The following CLMP variants were observed in gnomAD, a reference collection of about 807,000 sequenced individuals.
CLMP encodes CXADR like cell adhesion molecule.
In CLMP, 27 loss-of-function variants were observed where a neutral mutation model predicts 45.2. The observed-to-expected ratio is 0.60, with a 90% CI of 0.44 to 0.82. The LOEUF (loss-of-function observed/expected upper bound fraction) is 0.82, where lower values mean the gene tolerates loss of function less well. Ranked by LOEUF, CLMP falls within the 40% of genes least tolerant of loss-of-function variation. The pLI is 0.00. For synonymous variants in CLMP, 167 were observed against 171.4 expected (o/e 0.97, Z 0.20); for missense variants, 403 against 448.4 (o/e 0.90, Z 0.91).
rs747477259 is a variant in CLMP at position 123,176,648 on chromosome 11, A to G, written c.28+18265T>C. ...GCTGGGGCTGTTGGAGGTGGGAGCT[A>G]TATCTGACCCCAGAAGCAGCCTTAC... On this transcript the variant is annotated intron_variant, in intron 1 of 6. Coordinates refer to ENST00000448775, the MANE Select transcript of CLMP (RefSeq NM_024769.5). Among the ~76,000 whole-genome samples, 148 of 152,278 alleles carry G rather than the reference A, an allele frequency of 9.7e-4. 1 individual carries two copies. The highest frequency in any genetic ancestry group is 2.0e-3 in the Non-Finnish European group (133 of 68,018).
chr11:123,150,488 G>A (rs375840106), intron 1 of CLMP, among the ~76,000 whole-genome samples: 2,280 of 45,836 alleles, frequency 0.05, 16 homozygotes, highest in East Asian at 0.12. Context: ...AGAAAGGAAG[G>A]AAGGAAGGAA....
chr11:123,075,956 TGAG>T (rs1865734104), intron 5 of CLMP, among the ~76,000 whole-genome samples: 1 of 152,066 alleles, frequency 6.6e-6, no homozygotes, highest in East Asian at 1.9e-4. Context: ...GCGGATCACT[TGAG>T]GTCAGGAGTT....
intron 1 of CLMP, among the ~76,000 whole-genome samples, chr11:123,188,139 G>T (rs976749520): frequency 2.0e-5 from 3 of 152,140 alleles, no homozygotes; most frequent in African/African-American, 7.2e-5. Flanking sequence ...AGGTAGAAAG[G>T]GTGCCTTTTG....
At position 123,145,464 on chromosome 11, in the gene CLMP, T is replaced by TGTTTG. The variant is rs879508103; in HGVS notation, c.29-47513_29-47512insCAAAC. ...CAGCTCTGCGGCTGTTTTTTTTTTTTTTTTTTTTTTTTTTTGAGACGGGAG... is the reference window on the plus strand; with the variant it reads ...CAGCTCTGCGGCTGTTTTTTTTTTTTGTTTGTTTTTTTTTTTTTTTGAGACGGGAG... On this transcript the variant is annotated intron_variant, in intron 1 of 6. Transcript: ENST00000448775. 2.0e-4 allele frequency among the ~76,000 whole-genome samples: 18 copies of TGTTTG among 89,046 alleles called. 1 individual carries two copies. The highest frequency in any genetic ancestry group is 9.0e-4 in the African/African-American group (17 of 18,970). 58.4% of individuals were successfully genotyped at this position (89,046 alleles called of 152,430 possible). A position where few individuals can be genotyped will look rare whatever the true frequency, so the allele number is the denominator to read the frequency against.
chr11:123,073,814 T>A, intron 6 of CLMP, 40 bp from the exon 7 acceptor site: 1 of 1,527,030 alleles, frequency 6.5e-7, no homozygotes, highest in South Asian at 1.3e-5. Flanking sequence ...CTGGCAGATC[T>A]GTGATTGCTT....
intron 3 of CLMP, 57 bp downstream of exon 3, chr11:123,084,455 C>T: frequency 1.4e-6 from 2 of 1,406,812 alleles, no homozygotes; most frequent in Non-Finnish European, 2.0e-6. Flanking sequence ...ATATGGCTAT[C>T]CCTCTTAGAT....
chr11:123,081,030 C>T (rs1865798073), intron 5 of CLMP, among the ~76,000 whole-genome samples: 1 of 151,912 alleles, frequency 6.6e-6, no homozygotes, highest in East Asian at 1.9e-4. Flanking sequence ...CCTGTAGTCC[C>T]AGCTACTCGC....
At chr11:123,108,185 G>T (rs1860587678) in intron 1 of CLMP, among the ~76,000 whole-genome samples, 1 of 152,078 alleles carries the variant, frequency 6.6e-6, no homozygotes, top group Admixed American at 6.6e-5. Flanking sequence ...CCCACACCCA[G>T]CCCAACCCCA....
rs201940583 is a variant in CLMP, at chr11:123,092,907, CTT to C, written c.186+4886_186+4887del. 3.7e-3 allele frequency among the ~76,000 whole-genome samples: 469 copies of C among 128,182 alleles called. 1 individual carries two copies. The highest frequency in any genetic ancestry group is 0.013 in the African/African-American group (419 of 32,254). The allele number at this position is 128,182 out of a possible 152,430, so 84.1% of individuals were successfully genotyped here. A position where few individuals can be genotyped will look rare whatever the true frequency, so the allele number is the denominator to read the frequency against. On this transcript the variant is annotated intron_variant, in intron 2 of 6. Coordinates refer to ENST00000448775, the MANE Select transcript of CLMP (RefSeq NM_024769.5). The stretch of plus-strand genomic sequence containing the variant: ...GCCACTGTGCCTGGCCTGACACACA[CTT>C]TTTTTTTTTTTTTTTTGAGATGTTG...
At chr11:123,151,793 ATAGCATGTTCATTTT>A (rs1292404118) in intron 1 of CLMP, among the ~76,000 whole-genome samples, 1 of 152,166 alleles carries the variant, frequency 6.6e-6, no homozygotes, top group Non-Finnish European at 1.5e-5. Flanking sequence ...TGCTTATTTC[ATAGCATGTTCATTTT>A]TAGCATGTTT....
At chr11:123,185,543 C>A (rs1303779892) in intron 1 of CLMP, among the ~76,000 whole-genome samples, 1 of 152,196 alleles carries the variant, frequency 6.6e-6, no homozygotes, top group Non-Finnish European at 1.5e-5. Flanking sequence ...GGAGAGGTGG[C>A]CTCGTTTCCG....
intron 2 of CLMP, among the ~76,000 whole-genome samples, chr11:123,088,729 G>A (rs1330269549): frequency 3.9e-5 from 6 of 152,126 alleles, no homozygotes; most frequent in South Asian, 2.1e-4. Context: ...GGGTTCAAGC[G>A]ATTCTCCTGT....
chr11:123,084,224 G>A (rs970472236), intron 3 of CLMP, among the ~76,000 whole-genome samples: 2 of 152,166 alleles, frequency 1.3e-5, no homozygotes, highest in African/African-American at 2.4e-5. Flanking sequence ...AAACAGAAAT[G>A]AATTTGAATC....
intron 1 of CLMP, among the ~76,000 whole-genome samples, chr11:123,115,009 C>A (rs928234356): frequency 6.6e-6 from 1 of 152,098 alleles, no homozygotes; most frequent in Non-Finnish European, 1.5e-5. Context: ...CCCCTTAAAG[C>A]TTTCACCTTC....
Position 123,073,696 on chromosome 11 carries a change from A to C in CLMP, c.900T>G (p.Gly300=), listed in dbSNP as rs766731584. ...SSSGSRSSRS[G]SSSTRSTANS... is the part of the protein sequence containing the mutation. ...TTGCTGTGGAGCGAGTGGAGGAAGA[A>C]CCAGAGCGTGAGCTCCGAGAGCCTG... The change falls in exon 7 of 7, where the codon GGT becomes GGG. Residue 300 remains glycine, a synonymous_variant. Coordinates refer to ENST00000448775, the MANE Select transcript of CLMP (RefSeq NM_024769.5). The C allele has an allele frequency of 6.2e-7, 1 of 1,614,166 alleles. No homozygotes were observed. The highest frequency in any genetic ancestry group is 8.5e-7 in the Non-Finnish European group (1 of 1,180,016).
At chr11:123,161,454 C>A (rs1861486427) in intron 1 of CLMP, among the ~76,000 whole-genome samples, 1 of 151,858 alleles carries the variant, frequency 6.6e-6, no homozygotes, top group African/African-American at 2.4e-5. Context: ...ACTGCTTGAG[C>A]CCAGGAGTTC....
chr11:123,184,988 C>T (rs1565406489), intron 1 of CLMP, among the ~76,000 whole-genome samples: 1 of 152,078 alleles, frequency 6.6e-6, no homozygotes, highest in Non-Finnish European at 1.5e-5. Context: ...AAGGTGCTCT[C>T]GGGGCTGAGA....
rs371394874 is a variant in CLMP, at chr11:123,073,789, C to T, written c.822-15G>A. On this transcript the variant is annotated splice_polypyrimidine_tract_variant and intron_variant, in intron 6 of 6. Coordinates refer to ENST00000448775, the MANE Select transcript of CLMP (RefSeq NM_024769.5). Reference sequence around the variant, plus strand: ...CAGCATCTTCTCTGAAGAGAAAAAACAGCAAAGATTAACACTGGCAGATCT... The same window carrying T: ...CAGCATCTTCTCTGAAGAGAAAAAATAGCAAAGATTAACACTGGCAGATCT... 6.4e-7 allele frequency: 1 copy of T among 1,552,738 alleles called. No individual in the cohort carries two copies. Among genetic ancestry groups the T allele is most frequent in the South Asian group, 1.2e-5 (1 of 80,486 alleles).
chr11:123,194,085 C>T (rs1342765818), intron 1 of CLMP, among the ~76,000 whole-genome samples: 1 of 152,050 alleles, frequency 6.6e-6, no homozygotes, highest in Non-Finnish European at 1.5e-5. Flanking sequence ...GCTCCTACCA[C>T]CCACATCCCT....
Sources: allele counts gnomAD v4.1 joint callset (sites outside exome capture counted in the v4.1 genomes callset), GRCh38; gene constraint gnomAD v4.1.1; transcripts MANE v1.5; gene names NCBI Gene and HGNC (gene_info 2026-07-23, HGNC 2026-07-21).